The following TMEM117 variants were observed in gnomAD, a reference collection of about 807,000 sequenced individuals.
The protein encoded by TMEM117 is transmembrane protein 117.
In TMEM117, 27 loss-of-function variants were observed where a neutral mutation model predicts 52.4. The ratio of observed to expected loss-of-function variants is 0.51; its 90% CI spans 0.38 to 0.71. TMEM117 has a LOEUF of 0.71. Among genes scored for constraint, TMEM117 ranks in the 30% least tolerant of loss-of-function variants. The probability of loss-of-function intolerance (pLI) is 0.00; values close to 1 mark genes in which losing one functional copy is unlikely to be tolerated. For synonymous variants in TMEM117, 215 were observed against 206.3 expected (o/e 1.04, Z -0.36); for missense variants, 556 against 630.5 (o/e 0.88, Z 1.26).
intron 2 of TMEM117, among the ~76,000 whole-genome samples, chr12:43,932,013 A>T (rs898787627): frequency 4.0e-5 from 6 of 151,462 alleles, no homozygotes; most frequent in African/African-American, 1.5e-4. Flanking sequence ...ATTTTAGCTG[A>T]CTCTTCTTGC....
chr12:43,804,544 G>A, the TMEM117 span: 3 of 1,602,594 alleles, frequency 1.9e-6, no homozygotes, highest in South Asian at 1.1e-5. Context: ...TTCTGGCTCT[G>A]GCAAAGATCT....
chr12:43,936,938 C>T lies in TMEM117; in HGVS notation c.278-7272C>T, dbSNP rs1933471052. 2.0e-5 allele frequency among the ~76,000 whole-genome samples: 3 copies of T among 151,926 alleles called. No individual in the cohort carries two copies. In the South Asian group the frequency reaches 6.2e-4, roughly 32 times the overall value. ...TCAAGGACATTGTTTTTAGGATCAACTTAAGAGGCCTCAGAGGTGGAGAAA... is the reference window on the plus strand; with the variant it reads ...TCAAGGACATTGTTTTTAGGATCAATTTAAGAGGCCTCAGAGGTGGAGAAA... On this transcript the variant is annotated intron_variant, in intron 2 of 7. Coordinates refer to ENST00000266534, the MANE Select transcript of TMEM117 (RefSeq NM_032256.3).
At chr12:44,336,446 T>A (rs532027741) in intron 6 of TMEM117, among the ~76,000 whole-genome samples, 2 of 152,164 alleles carry the variant, frequency 1.3e-5, no homozygotes, top group South Asian at 4.1e-4. Context: ...AGCTACTAAT[T>A]TGTATTCTAG....
chr12:44,355,817 G>C (rs1464927801), intron 6 of TMEM117, among the ~76,000 whole-genome samples: 3 of 152,026 alleles, frequency 2.0e-5, no homozygotes, highest in Non-Finnish European at 4.4e-5. Context: ...CAAGAGGCTG[G>C]AGCAGCCTAC....
At chr12:44,267,842 T>A (rs370488261) in intron 5 of TMEM117, among the ~76,000 whole-genome samples, 1 of 152,212 alleles carries the variant, frequency 6.6e-6, no homozygotes, top group Non-Finnish European at 1.5e-5. Context: ...TGATTTTTGA[T>A]AACATGGATG....
At chr12:44,173,021 G>A (rs1289076739) in intron 4 of TMEM117, among the ~76,000 whole-genome samples, 1 of 152,114 alleles carries the variant, frequency 6.6e-6, no homozygotes, top group African/African-American at 2.4e-5. Flanking sequence ...CACCGCGCCC[G>A]GCCGCAAAAT....
intron 5 of TMEM117, among the ~76,000 whole-genome samples, chr12:44,233,120 C>G (rs570756013): frequency 6.6e-6 from 1 of 151,292 alleles, no homozygotes; most frequent in South Asian, 2.1e-4. Context: ...CTCTCTCTGT[C>G]TTGCCTTATT....
At chr12:44,368,097 C>A (rs1244822402) in intron 6 of TMEM117, among the ~76,000 whole-genome samples, 1 of 152,216 alleles carries the variant, frequency 6.6e-6, no homozygotes, top group East Asian at 1.9e-4. Context: ...TTTCCTCTAG[C>A]TGATATGATC....
chr12:44,064,380 A>G (rs1297607533), intron 3 of TMEM117, among the ~76,000 whole-genome samples: 1 of 152,232 alleles, frequency 6.6e-6, no homozygotes, highest in Non-Finnish European at 1.5e-5. Flanking sequence ...GGAAGCTCAT[A>G]CTAATTTATT....
At chr12:43,845,588 A>C (rs1943192484) in intron 2 of TMEM117, among the ~76,000 whole-genome samples, 1 of 151,912 alleles carries the variant, frequency 6.6e-6, no homozygotes, top group South Asian at 2.1e-4. Context: ...ACAGGTGCAC[A>C]ATGTGCAGGT....
chr12:44,021,763 T>G (rs986000620), intron 3 of TMEM117, among the ~76,000 whole-genome samples: 1 of 152,170 alleles, frequency 6.6e-6, no homozygotes, highest in Non-Finnish European at 1.5e-5. Flanking sequence ...GTAAGCCACC[T>G]CTCCAAGTTC....
intron 5 of TMEM117, among the ~76,000 whole-genome samples, chr12:44,251,136 C>T (rs1446397959): frequency 6.6e-6 from 1 of 152,086 alleles, no homozygotes; most frequent in Non-Finnish European, 1.5e-5. Flanking sequence ...GGCTGATACT[C>T]CAGAGTGAAT....
the TMEM117 span, among the ~76,000 whole-genome samples, chr12:44,399,047 G>A: frequency 6.6e-6 from 1 of 151,970 alleles, no homozygotes; most frequent in African/African-American, 2.4e-5. Flanking sequence ...GCATCATTTT[G>A]TACTCTATAA....
intron 2 of TMEM117, among the ~76,000 whole-genome samples, chr12:43,898,043 C>T (rs984291666): frequency 7.7e-6 from 1 of 129,308 alleles, no homozygotes; most frequent in African/African-American, 3.5e-5. Context: ...CACACACACA[C>T]GCACGCACAC....
intron 7 of TMEM117, among the ~76,000 whole-genome samples, chr12:44,387,734 G>A (rs1952108506): frequency 6.6e-6 from 1 of 152,042 alleles, no homozygotes; most frequent in Non-Finnish European, 1.5e-5. Context: ...AACCAAATTT[G>A]AGTATAGCTG....
intron 3 of TMEM117, among the ~76,000 whole-genome samples, chr12:44,116,369 G>A (rs1565834553): frequency 2.0e-5 from 3 of 151,920 alleles, no homozygotes; most frequent in South Asian, 4.2e-4. Flanking sequence ...TCCTCTTTCT[G>A]TGGAATTTCA....
At chr12:44,188,239 C>CT (rs1949304376) in intron 4 of TMEM117, among the ~76,000 whole-genome samples, 1 of 152,134 alleles carries the variant, frequency 6.6e-6, no homozygotes, top group Non-Finnish European at 1.5e-5. Flanking sequence ...CTTTGATCAT[C>CT]TTCTATCTGA....
At chr12:44,320,198 G>T (rs992358956) in intron 6 of TMEM117, among the ~76,000 whole-genome samples, 8 of 152,106 alleles carry the variant, frequency 5.3e-5, no homozygotes, top group African/African-American at 1.9e-4. Flanking sequence ...AAAAATCCAA[G>T]ATTTCTCTTT....
At chr12:44,007,756 T>C (rs1946223055) in intron 3 of TMEM117, among the ~76,000 whole-genome samples, 1 of 152,116 alleles carries the variant, frequency 6.6e-6, no homozygotes. Context: ...CTCGTGATAG[T>C]GAATAAGTCT....
Sources: allele counts gnomAD v4.1 joint callset (sites outside exome capture counted in the v4.1 genomes callset), GRCh38; gene constraint gnomAD v4.1.1; transcripts MANE v1.5; gene names NCBI Gene and HGNC (gene_info 2026-07-23, HGNC 2026-07-21).